PRKCG: variants seen among roughly 807,000 people sequenced by gnomAD.
PRKCG encodes protein kinase C gamma type.
In PRKCG, 28 loss-of-function variants were observed where a neutral mutation model predicts 82.0. The observed-to-expected ratio is 0.34, with a 90% CI of 0.25 to 0.47. The LOEUF (loss-of-function observed/expected upper bound fraction) is 0.47, where lower values mean the gene tolerates loss of function less well. PRKCG is among the 20% of genes least tolerant of loss of function. The pLI, the probability that PRKCG is intolerant of heterozygous loss-of-function variation, is 1.00. For missense variants in PRKCG, 640 were observed against 952.7 expected (o/e 0.67, Z 4.32); for synonymous variants, 383 against 376.6 (o/e 1.02, Z -0.20).
intron 5 of PRKCG, among the ~76,000 whole-genome samples, chr19:53,890,232 C>CT (rs1211251536): frequency 5.3e-5 from 8 of 152,120 alleles, no homozygotes; most frequent in African/African-American, 1.7e-4. Context: ...CTTCTTGCAA[C>CT]TTTCTGCACC....
At chr19:53,893,313 G>A (rs375449585) in intron 8 of PRKCG, 49 bp from the exon 9 acceptor site, 29 of 1,580,216 alleles carry the variant, frequency 1.8e-5, no homozygotes, top group African/African-American at 2.7e-5. Context: ...GTTCTAGGGC[G>A]ATCCCCTGCA....
chr19:53,894,066 GT>G (rs978247638), intron 9 of PRKCG, among the ~76,000 whole-genome samples: 2 of 149,846 alleles, frequency 1.3e-5, no homozygotes, highest in East Asian at 4.0e-4. Flanking sequence ...CGATTCTTGA[GT>G]TTTTTATTTT....
At chr19:53,903,248 T>C (rs1239738348) in intron 15 of PRKCG, 95 bp downstream of exon 15, 4 of 959,258 alleles carry the variant, frequency 4.2e-6, no homozygotes, top group East Asian at 4.8e-5. Context: ...GCCCAGAAGG[T>C]TGTGCTCGAA....
chr19:53,886,045 G>C (rs1456401603), intron 3 of PRKCG, among the ~76,000 whole-genome samples: 1 of 148,134 alleles, frequency 6.8e-6, no homozygotes, highest in African/African-American at 2.5e-5. Flanking sequence ...CTGGGTGACA[G>C]AGCAAGACTT....
intron 9 of PRKCG, 83 bp downstream of exon 9, chr19:53,893,474 A>T (rs763481971): frequency 3.5e-6 from 5 of 1,411,400 alleles, no homozygotes; most frequent in Non-Finnish European, 4.0e-6. Flanking sequence ...TCTGTCTTCA[A>T]TTCCCCACAC....
At position 53,898,832 on chromosome 19, in the gene PRKCG, G is replaced by C. The variant is rs1419909858; in HGVS notation, c.1281+204G>C. On this transcript the variant is annotated intron_variant, in intron 11 of 17. Coordinates refer to ENST00000263431, the MANE Select transcript of PRKCG (RefSeq NM_002739.5). ...GCCAGGCGAAGGGACTCATCGGGGG[G>C]CGTGGCCAGGCGGAGGGGCTCAACG... Among the ~76,000 whole-genome samples, 3 of 133,766 alleles carry C rather than the reference G, an allele frequency of 2.2e-5. No homozygotes were observed. The East Asian group carries it at 7.7e-4, about 34-fold the overall frequency. The allele number at this position is 133,766 out of a possible 152,430, so 87.8% of individuals were successfully genotyped here. A position where few individuals can be genotyped will look rare whatever the true frequency, so the allele number is the denominator to read the frequency against.
chr19:53,902,003 G>A (rs1467221200), intron 14 of PRKCG, among the ~76,000 whole-genome samples: 2 of 152,008 alleles, frequency 1.3e-5, no homozygotes, highest in South Asian at 2.1e-4. Context: ...ACGTATAGAT[G>A]GATAAAGCAC....
chr19:53,897,647 C>T (rs903378696), intron 9 of PRKCG, among the ~76,000 whole-genome samples: 4 of 151,674 alleles, frequency 2.6e-5, no homozygotes, highest in Non-Finnish European at 5.9e-5. Flanking sequence ...AGTTACTTAA[C>T]GTCTCTGTGC....
chr19:53,906,078 CCTCCTCCTTCTTCTTCTT>C (rs1463128627), intron 16 of PRKCG, among the ~76,000 whole-genome samples: 1 of 43,792 alleles, frequency 2.3e-5, no homozygotes, highest in Middle Eastern at 0.016. Flanking sequence ...TCCTCCTCCT[CCTCCTCCTTCTTCTTCTT>C]CTTCTTCTTC....
At chr19:53,885,498 G>A (rs1368444459) in intron 3 of PRKCG, among the ~76,000 whole-genome samples, 1 of 152,066 alleles carries the variant, frequency 6.6e-6, no homozygotes, top group Non-Finnish European at 1.5e-5. Flanking sequence ...CCAAAGTGTT[G>A]GGATTACAGG....
intron 16 of PRKCG, 144 bp downstream of exon 16, chr19:53,904,886 G>A: frequency 1.4e-6 from 1 of 730,464 alleles, no homozygotes; most frequent in South Asian, 1.5e-5. Flanking sequence ...CATAGGTTTT[G>A]TTAGAACAAT....
At chr19:53,890,165 A>C in intron 5 of PRKCG, 148 bp downstream of exon 5, 9 of 872,124 alleles carry the variant, frequency 1.0e-5, no homozygotes, top group Non-Finnish European at 1.6e-5. Context: ...CCCCACCCCA[A>C]AGGCCGAGCA....
At position 53,883,109 on chromosome 19, in the gene PRKCG, T is replaced by G. The variant is rs1048209304; in HGVS notation, c.171-54T>G. ...GCAGGCCCCCTGTGGCTCGCAGAGGTTGGGGGTCCAGGTACCCCTTTCTGC... is the reference window on the plus strand; with the variant it reads ...GCAGGCCCCCTGTGGCTCGCAGAGGGTGGGGGTCCAGGTACCCCTTTCTGC... On this transcript the variant is annotated intron_variant, in intron 1 of 17. Coordinates refer to ENST00000263431, the MANE Select transcript of PRKCG (RefSeq NM_002739.5). The surrounding 1 kb of genome is among the most constrained non-coding windows in gnomAD (Gnocchi z 5.4). 57 of 1,605,180 alleles carry G rather than the reference T, an allele frequency of 3.6e-5. No homozygotes were observed. The Admixed American group carries it at 9.2e-4, about 26-fold the overall frequency.
chr19:53,895,222 TG>T (rs2068709130), intron 9 of PRKCG, among the ~76,000 whole-genome samples: 1 of 152,050 alleles, frequency 6.6e-6, no homozygotes, highest in Non-Finnish European at 1.5e-5. Flanking sequence ...TATGATAGAC[TG>T]GGCACGATGC....
chr19:53,891,840 G>T lies in PRKCG; in HGVS notation c.686+10G>T. On this transcript the variant is annotated intron_variant, in intron 6 of 17. Transcript: ENST00000263431. ...ATGAGACCTTTGTGTTGTGAGTCTG[G>T]GGTGCAGGGAAGGCAATGACAGCTG... 6.2e-7 allele frequency: 1 copy of T among 1,614,004 alleles called. No individual in the cohort carries two copies. Among genetic ancestry groups the T allele is most frequent in the Non-Finnish European group, 8.5e-7 (1 of 1,179,938 alleles).
chr19:53,892,479 C>T lies in PRKCG; in HGVS notation c.687-30C>T, dbSNP rs372553339. On this transcript the variant is annotated intron_variant, in intron 6 of 17. Coordinates refer to ENST00000263431, the MANE Select transcript of PRKCG (RefSeq NM_002739.5). This position sits in a 1 kb window ranked among gnomAD's most constrained non-coding sequence, Gnocchi z 5.9. ...ACCGAGGGGAGCCATGAGCTCGGCT[C>T]TGCACCCCATCCACCCCACCTTCCT... 6.2e-7 allele frequency: 1 copy of T among 1,603,714 alleles called. No individual in the cohort carries two copies. Among genetic ancestry groups the T allele is most frequent in the Non-Finnish European group, 8.5e-7 (1 of 1,177,466 alleles).
rs2068681298 is a variant in PRKCG at position 53,892,159 on chromosome 19, G to T, written c.686+329G>T. On this transcript the variant is annotated intron_variant, in intron 6 of 17. Coordinates refer to ENST00000263431, the MANE Select transcript of PRKCG (RefSeq NM_002739.5). This position sits in a 1 kb window ranked among gnomAD's most constrained non-coding sequence, Gnocchi z 5.9. ...TGGAGAGGGAGGGGAGAAGATGGGGGATGGCAGGGAGACAGAGATCAGTTG... is the reference window on the plus strand; with the variant it reads ...TGGAGAGGGAGGGGAGAAGATGGGGTATGGCAGGGAGACAGAGATCAGTTG... Among the ~76,000 whole-genome samples, 1 of 152,146 alleles carries T rather than the reference G, an allele frequency of 6.6e-6. No homozygotes were observed. The highest frequency in any genetic ancestry group is 6.5e-5 in the Admixed American group (1 of 15,270).
chr19:53,892,875 C>T lies in PRKCG; in HGVS notation c.822-113C>T. ...TCTCTTTTTATCTCACTCTTTCTCTCTTCCATCTCTGTGTCCGTCTCTCTG... is the reference window on the plus strand; with the variant it reads ...TCTCTTTTTATCTCACTCTTTCTCTTTTCCATCTCTGTGTCCGTCTCTCTG... On this transcript the variant is annotated intron_variant, in intron 7 of 17. Transcript: ENST00000263431. The surrounding 1 kb of genome is among the most constrained non-coding windows in gnomAD (Gnocchi z 5.9). 8.8e-7 allele frequency: 1 copy of T among 1,129,976 alleles called. No homozygotes were observed. The highest frequency in any genetic ancestry group is 1.3e-5 in the South Asian group (1 of 76,486). 70.0% of individuals were successfully genotyped at this position (1,129,976 alleles called of 1,614,324 possible).
At position 53,900,846 on chromosome 19, in the gene PRKCG, A is replaced by G; in HGVS notation, c.1575+97A>G. The stretch of plus-strand genomic sequence containing the variant: ...ACCACGGGTGAGGCCTGACCCTCAG[A>G]CCTTGTCATGAGTTGTGGCCTTCTT... On this transcript the variant is annotated intron_variant, in intron 14 of 17. Transcript: ENST00000263431. This position sits in a 1 kb window ranked among gnomAD's most constrained non-coding sequence, Gnocchi z 4.2. 1 of 1,581,606 alleles carries G rather than the reference A, an allele frequency of 6.3e-7. No homozygotes were observed.
Sources: gnomAD v4.1 joint callset for allele counts (sites outside exome capture counted in the v4.1 genomes callset) on GRCh38, gnomAD v4.1.1 for gene constraint, Gnocchi (gnomAD v3.1) non-coding constraint, MANE v1.5 for transcripts, NCBI Gene and HGNC (gene_info 2026-07-23, HGNC 2026-07-21) for gene names.